PTPRD: variants seen among roughly 807,000 people sequenced by gnomAD.
PTPRD encodes the protein receptor-type tyrosine-protein phosphatase delta.
PTPRD carries 34 observed loss-of-function variants against 214.5 expected under a neutral mutation model. That is an observed-to-expected ratio of 0.16 (90% CI 0.12 to 0.21). The LOEUF (loss-of-function observed/expected upper bound fraction) is 0.21, where lower values mean the gene tolerates loss of function less well. Ranked by LOEUF, PTPRD falls within the 10% of genes least tolerant of loss-of-function variation. The pLI is 1.00. For synonymous variants in PTPRD, 1,128 were observed against 845.7 expected, an observed-to-expected ratio of 1.33 and a Z score of -5.79; for missense variants, 2,545 against 2,398.7, an observed-to-expected ratio of 1.06 and a Z score of -1.27.
chr9:10,371,848 C>CT (rs2097629418), intron 2 of PTPRD, among the ~76,000 whole-genome samples: 1 of 152,128 alleles, frequency 6.6e-6, no homozygotes, highest in African/African-American at 2.4e-5. Flanking sequence ...TACATACCTA[C>CT]TGCCTTGTAC....
chr9:8,411,500 C>T (rs1441164526), intron 35 of PTPRD, among the ~76,000 whole-genome samples: 3 of 152,088 alleles, frequency 2.0e-5, no homozygotes, highest in Non-Finnish European at 2.9e-5. Flanking sequence ...GGCAGGGTTT[C>T]GCCATGTTGG....
chr9:10,350,278 A>G (rs1386758862), intron 2 of PTPRD, among the ~76,000 whole-genome samples: 1 of 152,154 alleles, frequency 6.6e-6, no homozygotes, highest in East Asian at 1.9e-4. Context: ...AGTCAAGGGA[A>G]CTATAAGAAG....
intron 5 of PTPRD, among the ~76,000 whole-genome samples, chr9:9,785,813 G>T (rs1013179090): frequency 1.2e-4 from 18 of 152,044 alleles, no homozygotes; most frequent in African/African-American, 4.1e-4. Flanking sequence ...GTTAACATTA[G>T]GGGAAGCTGG....
intron 8 of PTPRD, among the ~76,000 whole-genome samples, chr9:9,524,657 A>G (rs534658697): frequency 1.3e-5 from 2 of 152,346 alleles, no homozygotes; most frequent in East Asian, 1.9e-4. Flanking sequence ...GAGAACAATT[A>G]TTCTATCCTT....
intron 10 of PTPRD, among the ~76,000 whole-genome samples, chr9:9,111,328 G>T (rs2099805778): frequency 7.1e-6 from 1 of 140,870 alleles, no homozygotes. Context: ...TAACCTAGCT[G>T]ACTGTTCAAT....
intron 9 of PTPRD, among the ~76,000 whole-genome samples, chr9:9,314,887 T>C (rs1408163132): frequency 1.3e-5 from 2 of 152,018 alleles, no homozygotes; most frequent in Admixed American, 1.3e-4. Flanking sequence ...TTCCTCGTCA[T>C]TGTCTTCTTT....
At chr9:9,958,101 T>C (rs891583757) in intron 4 of PTPRD, among the ~76,000 whole-genome samples, 7 of 152,138 alleles carry the variant, frequency 4.6e-5, no homozygotes, top group African/African-American at 1.7e-4. Flanking sequence ...AACACCTAAA[T>C]ATTAAATCAA....
chr9:9,494,261 T>C (rs1017217475), intron 8 of PTPRD, among the ~76,000 whole-genome samples: 46 of 152,180 alleles, frequency 3.0e-4, no homozygotes, highest in Admixed American at 3.0e-3. Flanking sequence ...TTTAGAATAT[T>C]ACATAAACAT....
chr9:9,972,420 G>A (rs144082096), intron 4 of PTPRD, among the ~76,000 whole-genome samples: 8 of 152,246 alleles, frequency 5.3e-5, no homozygotes, highest in African/African-American at 9.6e-5. Flanking sequence ...AGGCTATGGC[G>A]AAACTTACTG....
At chr9:8,541,835 A>T (rs1374757148) in intron 14 of PTPRD, among the ~76,000 whole-genome samples, 1 of 152,228 alleles carries the variant, frequency 6.6e-6, no homozygotes, top group Non-Finnish European at 1.5e-5. Flanking sequence ...AATATCATAT[A>T]TAAAAGCAAA....
chr9:8,887,775 G>C (rs2098503862), intron 11 of PTPRD, among the ~76,000 whole-genome samples: 1 of 152,066 alleles, frequency 6.6e-6, no homozygotes, highest in South Asian at 2.1e-4. Flanking sequence ...ATGTCACTCA[G>C]TTTTGCAATT....
intron 11 of PTPRD, among the ~76,000 whole-genome samples, chr9:8,849,960 G>A (rs775199554): frequency 7.2e-5 from 11 of 152,110 alleles, no homozygotes; most frequent in Non-Finnish European, 1.2e-4. Flanking sequence ...CATAGGAAAG[G>A]TAGAAATGGA....
intron 10 of PTPRD, among the ~76,000 whole-genome samples, chr9:9,140,780 G>T (rs1202136929): frequency 2.0e-5 from 3 of 151,974 alleles, no homozygotes; most frequent in African/African-American, 7.2e-5. Flanking sequence ...GGGTTTCACC[G>T]TATTAGCCAG....
chr9:10,214,673 C>T (rs2099533205), intron 3 of PTPRD, among the ~76,000 whole-genome samples: 2 of 152,020 alleles, frequency 1.3e-5, no homozygotes, highest in East Asian at 1.9e-4. Flanking sequence ...ACAAGGCCTG[C>T]CTCTATGCAA....
At chr9:10,052,935 T>C (rs1376464086) in intron 3 of PTPRD, among the ~76,000 whole-genome samples, 3 of 152,148 alleles carry the variant, frequency 2.0e-5, no homozygotes, top group Non-Finnish European at 4.4e-5. Context: ...GAAGAGTATA[T>C]TTTTTATATT....
chr9:10,254,797 C>G (rs1354230168), intron 3 of PTPRD, among the ~76,000 whole-genome samples: 2 of 152,144 alleles, frequency 1.3e-5, no homozygotes, highest in Non-Finnish European at 2.9e-5. Context: ...TTTCTATAAG[C>G]TATGCTTATC....
At chr9:9,698,143 C>A (rs914109166) in intron 7 of PTPRD, among the ~76,000 whole-genome samples, 6 of 152,208 alleles carry the variant, frequency 3.9e-5, no homozygotes, top group African/African-American at 1.4e-4. Context: ...GGGTCTTTCA[C>A]TGGCTCCTTA....
chr9:8,440,715 T>C (rs1048441717), intron 34 of PTPRD, among the ~76,000 whole-genome samples: 4 of 152,178 alleles, frequency 2.6e-5, no homozygotes, highest in African/African-American at 9.7e-5. Flanking sequence ...ACAGATGCGG[T>C]CACTGAAATC....
chr9:9,702,640 T>C (rs144528334), intron 7 of PTPRD, among the ~76,000 whole-genome samples: 5 of 152,252 alleles, frequency 3.3e-5, no homozygotes, highest in African/African-American at 1.2e-4. Context: ...AGAAAAGATA[T>C]TTCAGAAAAA....
Sources: allele counts gnomAD v4.1 joint callset (sites outside exome capture counted in the v4.1 genomes callset), GRCh38; gene constraint gnomAD v4.1.1; transcripts MANE v1.5; gene names NCBI Gene and HGNC (gene_info 2026-07-23, HGNC 2026-07-21).